Variants in SAMD3 observed in about 807,000 individuals in gnomAD.
SAMD3 encodes sterile alpha motif domain containing 3.
A neutral mutation model predicts 58.5 loss-of-function variants in SAMD3; 63 were observed. The observed-to-expected ratio is 1.08, with a 90% confidence interval of 0.88 to 1.33. The LOEUF is 1.33. SAMD3 is among the 40% of genes most tolerant of loss of function. The probability of loss-of-function intolerance (pLI) is 0.00; values close to 1 mark genes in which losing one functional copy is unlikely to be tolerated. For missense variants in SAMD3, 604 were observed against 608.4 expected (o/e 0.99, Z 0.08); for synonymous variants, 220 against 210.3 (o/e 1.05, Z -0.40).
intron 2 of SAMD3, among the ~76,000 whole-genome samples, chr6:130,296,367 A>G (rs141753803): frequency 1.0e-3 from 156 of 152,298 alleles, no homozygotes; most frequent in African/African-American, 3.6e-3. Flanking sequence ...CTCAGAGTCC[A>G]TGGAAAGGGT....
chr6:130,170,186 T>C (rs1382635076), intron 8 of SAMD3, among the ~76,000 whole-genome samples: 1 of 152,186 alleles, frequency 6.6e-6, no homozygotes, highest in Non-Finnish European at 1.5e-5. Flanking sequence ...GTCCTAATGC[T>C]CTCCCTCCCC....
At chr6:130,166,709 C>T (rs1231098403) in intron 8 of SAMD3, among the ~76,000 whole-genome samples, 1 of 152,156 alleles carries the variant, frequency 6.6e-6, no homozygotes, top group East Asian at 1.9e-4. Flanking sequence ...CATTAGAAAA[C>T]AGGCAATGGA....
At chr6:130,313,800 G>T (rs1273371579) in intron 1 of SAMD3, among the ~76,000 whole-genome samples, 1 of 152,150 alleles carries the variant, frequency 6.6e-6, no homozygotes, top group East Asian at 1.9e-4. Flanking sequence ...ACTATCCCGA[G>T]ATTTAAGTAT....
intron 2 of SAMD3, among the ~76,000 whole-genome samples, chr6:130,241,502 C>T (rs1773358349): frequency 1.3e-5 from 2 of 152,146 alleles, no homozygotes; most frequent in African/African-American, 4.8e-5. Context: ...GCATGAGCCA[C>T]TGCACCCGGC....
chr6:130,146,213 G>A (rs370283653), intron 9 of SAMD3, 32 bp from the exon 10 acceptor site: 2 of 1,419,440 alleles, frequency 1.4e-6, no homozygotes, highest in Non-Finnish European at 1.9e-6. Flanking sequence ...GGATACATCA[G>A]ATCACAAGAA....
At chr6:130,242,888 G>C (rs1773411719) in intron 2 of SAMD3, among the ~76,000 whole-genome samples, 1 of 152,238 alleles carries the variant, frequency 6.6e-6, no homozygotes, top group African/African-American at 2.4e-5. Context: ...GGCACTGCCA[G>C]GTGAAGAGGG....
intron 9 of SAMD3, among the ~76,000 whole-genome samples, chr6:130,151,416 C>G (rs1392794398): frequency 6.6e-6 from 1 of 151,906 alleles, no homozygotes; most frequent in Admixed American, 6.6e-5. Context: ...CAAAACCAAA[C>G]TCAAATTCTT....
At chr6:130,295,200 G>C (rs1355984367) in intron 2 of SAMD3, among the ~76,000 whole-genome samples, 1 of 152,226 alleles carries the variant, frequency 6.6e-6, no homozygotes, top group African/African-American at 2.4e-5. Context: ...TGGGATTATA[G>C]GCGTGAGCCA....
chr6:130,339,319 T>C (rs1201851962), intron 1 of SAMD3, among the ~76,000 whole-genome samples: 2 of 152,154 alleles, frequency 1.3e-5, no homozygotes, highest in Non-Finnish European at 1.5e-5. Flanking sequence ...AGTGCTGGGA[T>C]TACAGGTGTG....
Position 130,347,595 on chromosome 6 carries a change from G to A in SAMD3, c.-304+17525C>T, listed in dbSNP as rs370577917. 5.8e-4 allele frequency among the ~76,000 whole-genome samples: 88 copies of A among 152,236 alleles called. 1 individual carries two copies. Among genetic ancestry groups the A allele is most frequent in the African/African-American group, 2.0e-3 (81 of 41,534 alleles). The stretch of plus-strand genomic sequence containing the variant: ...GACTATGTGAAAAGACCAAATCTAC[G>A]TCTGATTGGTGTACCTGAAAGTGAC... On this transcript the variant is annotated intron_variant, in intron 1 of 13. Transcript: ENST00000368134.
At chr6:130,293,560 A>G (rs551852731) in intron 2 of SAMD3, among the ~76,000 whole-genome samples, 2 of 151,602 alleles carry the variant, frequency 1.3e-5, no homozygotes, top group African/African-American at 4.8e-5. Context: ...ATCCTTAAGT[A>G]GGAAGTTGCT....
chr6:130,197,270 C>A (rs574159087), intron 5 of SAMD3, among the ~76,000 whole-genome samples: 7 of 152,200 alleles, frequency 4.6e-5, no homozygotes, highest in Non-Finnish European at 1.0e-4. Flanking sequence ...TCCCTACTAT[C>A]TTCTGTCTAG....
chr6:130,155,196 G>T (rs891845684), intron 8 of SAMD3, among the ~76,000 whole-genome samples, 171 bp from the exon 9 acceptor site: 1 of 152,010 alleles, frequency 6.6e-6, no homozygotes, highest in African/African-American at 2.4e-5. Context: ...CAATAAATTA[G>T]ATAGTTAATT....
chr6:130,238,376 A>G (rs1052484671), intron 2 of SAMD3, among the ~76,000 whole-genome samples: 1 of 152,224 alleles, frequency 6.6e-6, no homozygotes, highest in African/African-American at 2.4e-5. Flanking sequence ...AAAGTAGCAT[A>G]TAAAGATATT....
chr6:130,199,068 CTCCA>C (rs1051037182), intron 5 of SAMD3, among the ~76,000 whole-genome samples: 1 of 152,186 alleles, frequency 6.6e-6, no homozygotes, highest in Non-Finnish European at 1.5e-5. Context: ...CTTTCTGGTC[CTCCA>C]GGGAGGAGAA....
At chr6:130,357,118 C>CTTTTTTTTTTTTTT (rs1169066063) in intron 1 of SAMD3, among the ~76,000 whole-genome samples, 2 of 91,712 alleles carry the variant, frequency 2.2e-5, no homozygotes, top group Non-Finnish European at 4.0e-5. Context: ...GCCATGGCAT[C>CTTTTTTTTTTTTTT]TTTTTTTTTT....
chr6:130,185,258 A>G (rs1475336268), intron 5 of SAMD3, among the ~76,000 whole-genome samples: 1 of 152,220 alleles, frequency 6.6e-6, no homozygotes, highest in Non-Finnish European at 1.5e-5. Context: ...TAAAATGGGT[A>G]GTGATTATTT....
chr6:130,319,118 T>C (rs990578549), intron 1 of SAMD3, among the ~76,000 whole-genome samples: 4 of 152,130 alleles, frequency 2.6e-5, no homozygotes, highest in Non-Finnish European at 4.4e-5. Flanking sequence ...GAAAAAATCC[T>C]GAACGAATCA....
intron 11 of SAMD3, 25 bp from the exon 12 acceptor site, chr6:130,144,829 C>T: frequency 6.3e-7 from 1 of 1,586,586 alleles, no homozygotes; most frequent in South Asian, 1.1e-5. Flanking sequence ...GGAGTCATTA[C>T]CATGATACGT....
Sources: allele counts gnomAD v4.1 joint callset (sites outside exome capture counted in the v4.1 genomes callset), GRCh38; gene constraint gnomAD v4.1.1; transcripts MANE v1.5; gene names NCBI Gene and HGNC (gene_info 2026-07-23, HGNC 2026-07-21).